STAM2: variants seen among roughly 807,000 people sequenced by gnomAD.
STAM2 encodes the protein signal transducing adapter molecule 2.
Under a neutral mutation model 65.6 loss-of-function variants are expected in STAM2, and 51 were observed. That is an observed-to-expected ratio of 0.78 (90% CI 0.62 to 0.98). The LOEUF (loss-of-function observed/expected upper bound fraction) is 0.98. Ranked by LOEUF, STAM2 falls within the 50% of genes least tolerant of loss-of-function variation. The pLI, the probability that STAM2 is intolerant of heterozygous loss-of-function variation, is 0.00. For synonymous variants in STAM2, 198 were observed against 208.4 expected, an observed-to-expected ratio of 0.95 and a Z score of 0.43; for missense variants, 584 against 617.8, an observed-to-expected ratio of 0.95 and a Z score of 0.58.
chr2:152,151,911 G>C (rs1689452832), intron 1 of STAM2, among the ~76,000 whole-genome samples: 1 of 152,122 alleles, frequency 6.6e-6, no homozygotes, highest in African/African-American at 2.4e-5. Flanking sequence ...TCATTCACCA[G>C]TTCATGAACA....
intron 2 of STAM2, among the ~76,000 whole-genome samples, chr2:152,149,734 G>C (rs1242073169): frequency 6.6e-6 from 1 of 152,176 alleles, no homozygotes; most frequent in Non-Finnish European, 1.5e-5. Flanking sequence ...CTGACCTCAA[G>C]TGATCTGCTC....
intron 1 of STAM2, among the ~76,000 whole-genome samples, chr2:152,152,851 A>G (rs1397437915): frequency 6.6e-6 from 1 of 152,222 alleles, no homozygotes. Flanking sequence ...GGTAGTAAAA[A>G]TATTAGAATG....
In STAM2 at chr2:152,146,426, T is replaced by C. The variant is rs923507354; in HGVS notation, c.447+736A>G. Among the ~76,000 whole-genome samples the C allele has an allele frequency of 2.0e-5, 3 of 152,114 alleles. No individual in the cohort carries two copies. The East Asian group carries it at 5.8e-4, about 29-fold the overall frequency. On this transcript the variant is annotated intron_variant, in intron 5 of 13. Transcript: ENST00000263904. Reference sequence around the variant, plus strand: ...GAGCAAAACCCAAGGAATAGTATTTTTCTCCCCTAGACCTAAAAAAACCAG... The same window carrying C: ...GAGCAAAACCCAAGGAATAGTATTTCTCTCCCCTAGACCTAAAAAAACCAG...
chr2:152,165,626 C>T (rs1368326788), intron 1 of STAM2, among the ~76,000 whole-genome samples: 4 of 152,120 alleles, frequency 2.6e-5, no homozygotes, highest in Non-Finnish European at 4.4e-5. Flanking sequence ...AATAAAACAA[C>T]GAGGACCTGC....
chr2:152,120,294 T>C lies in STAM2; in HGVS notation c.*280A>G. 2.4e-6 allele frequency: 1 copy of C among 419,886 alleles called. No homozygotes were observed. The highest frequency in any genetic ancestry group is 6.6e-4 in the Middle Eastern group (1 of 1,518). The allele number at this position is 419,886 out of a possible 1,614,324, so 26.0% of individuals were successfully genotyped here. A position where few individuals can be genotyped will look rare whatever the true frequency, so the allele number is the denominator to read the frequency against. On this transcript the variant is annotated 3_prime_UTR_variant, in exon 14 of 14. Transcript: ENST00000263904. Reference sequence around the variant, plus strand: ...GTTTGTCATAAGGCTACTTAATGAGTATCTAGATTTATGTAGAGAAATCTG... The same window carrying C: ...GTTTGTCATAAGGCTACTTAATGAGCATCTAGATTTATGTAGAGAAATCTG...
chr2:152,129,905 A>AT (rs1263601684), intron 11 of STAM2, among the ~76,000 whole-genome samples: 3 of 152,340 alleles, frequency 2.0e-5, no homozygotes, highest in East Asian at 3.9e-4. Context: ...CAACAAATTT[A>AT]TTTTTAAAAT....
At chr2:152,131,980 A>G in intron 11 of STAM2, 134 bp downstream of exon 11, 1 of 607,576 alleles carries the variant, frequency 1.6e-6, no homozygotes, top group East Asian at 3.0e-5. Context: ...TAAATTTGTT[A>G]AAAGCCTGGG....
intron 2 of STAM2, among the ~76,000 whole-genome samples, chr2:152,149,496 C>CTTTTT (rs70974823): frequency 7.9e-6 from 1 of 126,608 alleles, no homozygotes; most frequent in Non-Finnish European, 1.6e-5. Flanking sequence ...ATAGTCTACT[C>CTTTTT]TTTTTTTTTT....
rs376220862 is a variant in STAM2 at position 152,175,649 on chromosome 2, G to A, written c.-7C>T. The A allele has an allele frequency of 1.4e-5, 23 of 1,611,662 alleles. No individual in the cohort carries two copies. In the Middle Eastern group the frequency reaches 6.6e-4, roughly 46 times the overall value. ...TGGCGGTGAACAAAGGCATCTCGCC[G>A]GCGCCCGAGCCCTAGTCGCTGCTGT... On this transcript the variant is annotated 5_prime_UTR_variant, in exon 1 of 14. Transcript: ENST00000263904.
At chr2:152,123,655 A>T (rs1365711380) in intron 13 of STAM2, 111 bp downstream of exon 13, 2 of 1,075,196 alleles carry the variant, frequency 1.9e-6, no homozygotes, top group African/African-American at 3.2e-5. Flanking sequence ...ACTTCACAGG[A>T]TTATGAATAA....
At chr2:152,155,236 C>T (rs1335463804) in intron 1 of STAM2, among the ~76,000 whole-genome samples, 1 of 152,192 alleles carries the variant, frequency 6.6e-6, no homozygotes, top group African/African-American at 2.4e-5. Flanking sequence ...ATGTTGGTTG[C>T]TCCTCCACAT....
chr2:152,131,867 C>G, intron 11 of STAM2: 1 of 474,832 alleles, frequency 2.1e-6, no homozygotes, highest in South Asian at 2.4e-5. Context: ...CATGCTAGAA[C>G]AGACTGGTTA....
At chr2:152,156,917 C>A (rs1026191164) in intron 1 of STAM2, among the ~76,000 whole-genome samples, 1 of 152,072 alleles carries the variant, frequency 6.6e-6, no homozygotes, top group Non-Finnish European at 1.5e-5. Context: ...ACCAGACTTG[C>A]GATCCTACCA....
At chr2:152,174,653 A>G (rs1689976258) in intron 1 of STAM2, among the ~76,000 whole-genome samples, 1 of 152,082 alleles carries the variant, frequency 6.6e-6, no homozygotes, top group Non-Finnish European at 1.5e-5. Flanking sequence ...CCCCATTTCC[A>G]AGTTCTAAAA....
chr2:152,122,051 A>C (rs1316132118), intron 13 of STAM2, among the ~76,000 whole-genome samples: 8 of 101,426 alleles, frequency 7.9e-5, no homozygotes, highest in Non-Finnish European at 1.1e-4. Context: ...CCGTCCCCAA[A>C]AAAAAAATAT....
intron 1 of STAM2, among the ~76,000 whole-genome samples, chr2:152,167,751 T>TA: frequency 6.6e-6 from 1 of 150,678 alleles, no homozygotes; most frequent in African/African-American, 2.4e-5. Flanking sequence ...AATAAATAAA[T>TA]AATTAAAAAT....
chr2:152,149,108 G>A (rs1308191713), intron 2 of STAM2, among the ~76,000 whole-genome samples: 3 of 151,894 alleles, frequency 2.0e-5, no homozygotes, highest in Non-Finnish European at 4.4e-5. Flanking sequence ...TTTTTTCATT[G>A]TTAATCTATT....
At chr2:152,175,480 C>G in intron 1 of STAM2, 123 bp downstream of exon 1, 1 of 1,300,326 alleles carries the variant, frequency 7.7e-7, no homozygotes, top group Non-Finnish European at 1.1e-6. Flanking sequence ...CGGGCGGCAC[C>G]GCCCCTCCCC....
chr2:152,124,122 A>C, intron 12 of STAM2, 187 bp from the exon 13 acceptor site: 1 of 552,494 alleles, frequency 1.8e-6, no homozygotes, highest in Non-Finnish European at 3.1e-6. Context: ...AATCTATGGA[A>C]ATTTGATTTG....
Sources: allele counts gnomAD v4.1 joint callset (sites outside exome capture counted in the v4.1 genomes callset), GRCh38; gene constraint gnomAD v4.1.1; transcripts MANE v1.5; gene names NCBI Gene and HGNC (gene_info 2026-07-23, HGNC 2026-07-21).